Variants in LRRN2 observed in about 807,000 individuals in gnomAD.
LRRN2 encodes leucine rich repeat neuronal 2.
In LRRN2, 10 loss-of-function variants were observed where a neutral mutation model predicts 35.7. The observed-to-expected ratio is 0.28, with a 90% confidence interval of 0.17 to 0.47. The LOEUF (loss-of-function observed/expected upper bound fraction) is 0.47. LRRN2 is among the 20% of genes least tolerant of loss of function. The pLI, the probability that LRRN2 is intolerant of heterozygous loss-of-function variation, is 0.99. For synonymous variants in LRRN2, 391 were observed against 409.6 expected, an observed-to-expected ratio of 0.95 and a Z score of 0.55; for missense variants, 731 against 940.3, an observed-to-expected ratio of 0.78 and a Z score of 2.91.
At chr1:204,674,274 C>A (rs1571684435) in intron 1 of LRRN2, among the ~76,000 whole-genome samples, 1 of 151,392 alleles carries the variant, frequency 6.6e-6, no homozygotes, top group African/African-American at 2.4e-5. Flanking sequence ...CCACCCCCCA[C>A]CACCAACTGC....
intron 1 of LRRN2, among the ~76,000 whole-genome samples, chr1:204,623,224 C>T (rs960415139): frequency 6.6e-6 from 1 of 152,182 alleles, no homozygotes; most frequent in African/African-American, 2.4e-5. Context: ...AGACCCTACC[C>T]GAGTCCAGTT....
intron 1 of LRRN2, among the ~76,000 whole-genome samples, chr1:204,662,987 C>T (rs1029490706): frequency 3.9e-5 from 6 of 152,240 alleles, no homozygotes; most frequent in Admixed American, 2.0e-4. Flanking sequence ...GTGAGCAGCT[C>T]GAGATTACAT....
At position 204,646,849 on chromosome 1, in the gene LRRN2, C is replaced by T. The variant is rs111237488; in HGVS notation, c.-226-26631G>A. 1.5e-3 allele frequency among the ~76,000 whole-genome samples: 234 copies of T among 152,308 alleles called. 2 individuals are homozygous for T. The highest frequency in any genetic ancestry group is 5.6e-3 in the African/African-American group (232 of 41,580). ...ATATATCTCTATATTCTAACATAGA[C>T]TGTGGATTAGAAAGACTTAGGTTCA... On this transcript the variant is annotated intron_variant, in intron 1 of 1. Coordinates refer to ENST00000367177, the MANE Select transcript of LRRN2 (RefSeq NM_201630.2).
In LRRN2 at chr1:204,619,189, G is replaced by T; in HGVS notation, c.804C>A (p.Leu268=). ...CTACCCGCTGGAGCGGGTTCTTGTT[G>T]AGGTCTAGGAACTTGAGCCCGGGCA... ...EQVPGLKFLD[L]NKNPLQRVGP... is the part of the protein sequence containing the mutation. Residue 268 remains leucine (L), a synonymous_variant, in exon 2 of 2, where the codon CTC becomes CTA. Transcript: ENST00000367177. 1 of 1,614,050 alleles carries T rather than the reference G, an allele frequency of 6.2e-7. No individual in the cohort carries two copies. Among genetic ancestry groups the T allele is most frequent in the Non-Finnish European group, 8.5e-7 (1 of 1,180,020 alleles).
chr1:204,679,709 C>T lies in LRRN2; in HGVS notation c.-227+5611G>A, dbSNP rs72753892. Among the ~76,000 whole-genome samples the T allele has an allele frequency of 3.9e-3, 596 of 152,336 alleles. 5 individuals are homozygous for T. Among genetic ancestry groups the T allele is most frequent in the Middle Eastern group, 0.01 (3 of 294 alleles). ...ATCTGGAGTCTAGGCCCCATTCTCA[C>T]GTCTCCCAGCAAGCCACCCTTGCAT... On this transcript the variant is annotated intron_variant, in intron 1 of 1. Coordinates refer to ENST00000367177, the MANE Select transcript of LRRN2 (RefSeq NM_201630.2).
At chr1:204,660,579 ACT>A (rs112179063) in intron 1 of LRRN2, among the ~76,000 whole-genome samples, 13,869 of 94,666 alleles carry the variant, frequency 0.15, 922 homozygotes, top group African/African-American at 0.25. Context: ...ACACACACAC[ACT>A]CTCTCTCTCT....
chr1:204,645,688 T>G (rs1413496485), intron 1 of LRRN2, among the ~76,000 whole-genome samples: 3 of 152,120 alleles, frequency 2.0e-5, no homozygotes, highest in Non-Finnish European at 4.4e-5. Context: ...TTTAATTGAC[T>G]CACAGTTCTG....
chr1:204,630,632 C>T (rs938890891), intron 1 of LRRN2, among the ~76,000 whole-genome samples: 8 of 151,766 alleles, frequency 5.3e-5, no homozygotes, highest in Non-Finnish European at 1.2e-4. Context: ...GTCTTTCCTC[C>T]CCACTAACCG....
chr1:204,637,664 G>A (rs991600977), intron 1 of LRRN2, among the ~76,000 whole-genome samples: 3 of 144,884 alleles, frequency 2.1e-5, no homozygotes, highest in Non-Finnish European at 3.0e-5. Context: ...GTGTGTGTGT[G>A]TGTGTGTGTG....
In LRRN2 at chr1:204,658,262, G is replaced by A. The variant is rs1014636977; in HGVS notation, c.-227+27058C>T. Among the ~76,000 whole-genome samples the A allele has an allele frequency of 3.9e-5, 6 of 152,112 alleles. No homozygotes were observed. In the East Asian group the frequency reaches 7.7e-4, roughly 20 times the overall value. On this transcript the variant is annotated intron_variant, in intron 1 of 1. Coordinates refer to ENST00000367177, the MANE Select transcript of LRRN2 (RefSeq NM_201630.2). ...CAAAGTGTTGGGATTACAGGCATGAGCCACCGTGCCCAGCCAATGGTTCGT... is the reference window on the plus strand; with the variant it reads ...CAAAGTGTTGGGATTACAGGCATGAACCACCGTGCCCAGCCAATGGTTCGT...
In LRRN2 at chr1:204,618,155, G is replaced by A. The variant is rs532645417; in HGVS notation, c.1838C>T (p.Ala613Val). 6 of 1,614,120 alleles carry A rather than the reference G, an allele frequency of 3.7e-6. No homozygotes were observed. In the African/African-American group the frequency reaches 8.0e-5, roughly 22 times the overall value. The change falls in exon 2 of 2, where the codon GCC becomes GTC. Residue 613 changes from alanine (A) to valine (V), a missense_variant. This residue lies in a region of LRRN2 where 229 missense variants were observed against 258.4 expected (regional missense o/e 0.89). Transcript: ENST00000367177. ...GCAAGAAGTGGCCTCTTTGGTCCTG[G>A]CCCATACACAAGCCAACTGGGTGTG... Reference protein sequence around the residue: ...DAHTQLACVWARTKEATSCHR... With the variant: ...DAHTQLACVWVRTKEATSCHR...
At chr1:204,682,257 T>G (rs1382393989) in intron 1 of LRRN2, among the ~76,000 whole-genome samples, 1 of 152,164 alleles carries the variant, frequency 6.6e-6, no homozygotes, top group African/African-American at 2.4e-5. Context: ...ACAGGAAAAG[T>G]CATTGCCCTC....
intron 1 of LRRN2, among the ~76,000 whole-genome samples, chr1:204,638,107 A>T (rs10793713): frequency 8.3e-6 from 1 of 120,362 alleles, no homozygotes; most frequent in Non-Finnish European, 1.8e-5. Context: ...TCACCCACCC[A>T]CCCCCCGCCC....
At chr1:204,662,512 G>A (rs1042645921) in intron 1 of LRRN2, among the ~76,000 whole-genome samples, 2 of 152,110 alleles carry the variant, frequency 1.3e-5, no homozygotes, top group African/African-American at 4.8e-5. Flanking sequence ...CATATGACTC[G>A]AGTCCCACGA....
At chr1:204,652,575 A>G (rs1023992249) in intron 1 of LRRN2, among the ~76,000 whole-genome samples, 6 of 152,036 alleles carry the variant, frequency 3.9e-5, no homozygotes, top group African/African-American at 1.2e-4. Flanking sequence ...AAGATTAGAG[A>G]TGTCAAAAAG....
intron 1 of LRRN2, among the ~76,000 whole-genome samples, chr1:204,634,122 G>C (rs1667774335): frequency 6.6e-6 from 1 of 152,208 alleles, no homozygotes; most frequent in Non-Finnish European, 1.5e-5. Flanking sequence ...CTAATTAAGA[G>C]CAAGCCTTAA....
rs771049322 is a variant in LRRN2 at position 204,619,210 on chromosome 1, G to A, written c.783C>T (p.Pro261=). The A allele has an allele frequency of 1.5e-5, 24 of 1,613,918 alleles. No homozygotes were observed. Among genetic ancestry groups the A allele is most frequent in the Admixed American group, 5.0e-5 (3 of 60,006 alleles). The stretch of plus-strand genomic sequence containing the variant: ...TGTTGAGGTCTAGGAACTTGAGCCC[G>A]GGCACCTGTTCCAGTGCCCGCCTGG... ...RVPRRALEQV[P]GLKFLDLNKN... The change falls in exon 2 of 2, where the codon CCC becomes CCT. Residue 261 remains proline, a synonymous_variant. Transcript: ENST00000367177.
intron 1 of LRRN2, among the ~76,000 whole-genome samples, chr1:204,625,271 A>G (rs1041592240): frequency 6.6e-6 from 1 of 152,190 alleles, no homozygotes; most frequent in Non-Finnish European, 1.5e-5. Flanking sequence ...AATTGCTGGG[A>G]GGAGTACGGG....
At chr1:204,648,105 A>G (rs1668149055) in intron 1 of LRRN2, among the ~76,000 whole-genome samples, 2 of 152,246 alleles carry the variant, frequency 1.3e-5, no homozygotes, top group African/African-American at 2.4e-5. Flanking sequence ...AGGTGAGCCC[A>G]GCTACAGCCA....
Sources: allele counts gnomAD v4.1 joint callset (sites outside exome capture counted in the v4.1 genomes callset), GRCh38; gene constraint gnomAD v4.1.1; regional missense constraint gnomAD v4.1.1; transcripts MANE v1.5; gene names NCBI Gene and HGNC (gene_info 2026-07-23, HGNC 2026-07-21).